Variants in RIF1 observed in about 807,000 individuals in gnomAD.
The protein encoded by RIF1 is replication timing regulatory factor 1.
RIF1 carries 45 observed loss-of-function variants against 247.1 expected under a neutral mutation model. The ratio of observed to expected loss-of-function variants is 0.18; its 90% CI spans 0.14 to 0.23. The LOEUF is 0.23. RIF1 is among the 10% of genes least tolerant of loss of function. The probability of loss-of-function intolerance (pLI) is 1.00; values close to 1 mark genes in which losing one functional copy is unlikely to be tolerated. For synonymous variants in RIF1, 1,087 were observed against 978.8 expected (o/e 1.11, Z -2.06); for missense variants, 2,967 against 2,862.5 (o/e 1.04, Z -0.83).
At chr2:151,534,134 C>G in the RIF1 span, 3 of 1,022,940 alleles carry the variant, frequency 2.9e-6, no homozygotes, top group African/African-American at 4.8e-5. Flanking sequence ...CTATGACATC[C>G]TTGCAGCAGA....
intron 30 of RIF1, 121 bp from the exon 31 acceptor site, chr2:151,467,879 C>G (rs1230251336): frequency 2.3e-6 from 2 of 856,390 alleles, no homozygotes; most frequent in East Asian, 5.3e-5. Context: ...CAGCTGACTT[C>G]TGGTGAAATA....
chr2:151,419,634 T>C (rs1247989370), intron 6 of RIF1, among the ~76,000 whole-genome samples: 4 of 152,178 alleles, frequency 2.6e-5, no homozygotes, highest in Admixed American at 6.5e-5. Flanking sequence ...GGTCATTTAT[T>C]ATCATTATCA....
intron 13 of RIF1, chr2:151,507,179 G>A (rs2069803827): frequency 1.1e-5 from 6 of 556,720 alleles, no homozygotes; most frequent in South Asian, 4.9e-5. Context: ...TAAGAATTTT[G>A]TGGAGAAACT....
intron 9 of RIF1, chr2:151,494,111 C>G (rs777512914): frequency 2.7e-6 from 4 of 1,476,096 alleles, no homozygotes; most frequent in Non-Finnish European, 2.8e-6. Flanking sequence ...GGCCAAACTG[C>G]AAGAGTTATT....
In RIF1 at chr2:151,503,338, T is replaced by C. The variant is rs750572273; in HGVS notation, c.*861+153T>C. On this transcript the variant is annotated intron_variant and NMD_transcript_variant, in intron 12 of 13. Transcript: ENST00000454583. ...GGGAAATAGTTTCTTATATGATATA[T>C]TTGTAAATACCGAGCTAAAGTTCTC... 7 of 1,572,332 alleles carry C rather than the reference T, an allele frequency of 4.5e-6. No individual in the cohort carries two copies. Among genetic ancestry groups the C allele is most frequent in the East Asian group, 2.3e-5 (1 of 44,410 alleles).
chr2:151,500,785 G>C (rs2063873558), intron 11 of RIF1, among the ~76,000 whole-genome samples: 1 of 151,868 alleles, frequency 6.6e-6, no homozygotes, highest in African/African-American at 2.4e-5. Context: ...TTTTAGCAGA[G>C]ATGGAATTTC....
downstream of RIF1, among the ~76,000 whole-genome samples, chr2:151,482,666 AAACAAC>A (rs751915789): frequency 6.6e-6 from 1 of 152,178 alleles, no homozygotes. Context: ...GTTTTAAGGA[AAACAAC>A]AACAACAACA....
At position 151,435,557 on chromosome 2, in the gene RIF1, A is replaced by G. The variant is rs61760868; in HGVS notation, c.1172A>G (p.Asn391Ser). 1.5e-3 allele frequency: 2,461 copies of G among 1,597,340 alleles called. 28 individuals are homozygous for G. The African/African-American group carries it at 0.027, about 18-fold the overall frequency. The change falls in exon 11 of 36, where the codon AAT (asparagine) becomes AGT (serine). Residue 391 changes from asparagine (N) to serine (S), a missense_variant. Physicochemically the swap from Asn to Ser is conservative, Grantham distance 46. Coordinates refer to ENST00000444746, the MANE Select transcript of RIF1 (RefSeq NM_018151.5). Reference sequence around the variant, plus strand: ...CATGTAGCTACATCTCCAGGTTTAAATCCTATGACTCCTGTACACAAAGGT... The same window carrying G: ...CATGTAGCTACATCTCCAGGTTTAAGTCCTATGACTCCTGTACACAAAGGT... ...SCHVATSPGL[N>S]PMTPVHKGAS... is the part of the protein sequence containing the mutation.
chr2:151,527,140 T>C, the RIF1 span: 1 of 684,714 alleles, frequency 1.5e-6, no homozygotes, highest in Non-Finnish European at 2.5e-6. Flanking sequence ...GCTACCAGAA[T>C]GAGGAGAAGA....
chr2:151,462,771 C>T, intron 29 of RIF1, 113 bp from the exon 30 acceptor site: 1 of 714,134 alleles, frequency 1.4e-6, no homozygotes, highest in Middle Eastern at 3.1e-4. Context: ...TATTGAATGT[C>T]AGTGATTATC....
At position 151,506,183 on chromosome 2, in the gene RIF1, GTGTT is replaced by G. The variant is rs1161478770; in HGVS notation, c.*862-21_*862-18del. 4.3e-6 allele frequency: 7 copies of G among 1,612,440 alleles called. No homozygotes were observed. The highest frequency in any genetic ancestry group is 4.0e-5 in the African/African-American group (3 of 74,906). On this transcript the variant is annotated intron_variant and NMD_transcript_variant, in intron 12 of 13. Transcript: ENST00000454583. Reference sequence around the variant, plus strand: ...GTCTTTACCGAGCTAATGTGGTCCTGTGTTTGTTTCACTCTCATCATCTCAGGTG... The same window carrying G: ...GTCTTTACCGAGCTAATGTGGTCCTGTGTTTCACTCTCATCATCTCAGGTG...
chr2:151,514,356 T>C, the RIF1 span: 3 of 1,613,760 alleles, frequency 1.9e-6, no homozygotes, highest in African/African-American at 2.7e-5. Context: ...GCTCTTAGCA[T>C]GTCAGGTGTA....
the RIF1 span, chr2:151,525,815 G>A: frequency 0.62 from 463,782 of 744,822 alleles, 146,258 homozygotes; most frequent in East Asian, 0.76. Context: ...CATTTTAAAA[G>A]TCAGAGTTTA....
chr2:151,526,036 C>T, the RIF1 span: 6 of 1,613,986 alleles, frequency 3.7e-6, no homozygotes, highest in South Asian at 5.5e-5. Context: ...AGCCCTGTGC[C>T]AAGTGCTTCT....
chr2:151,491,731 C>T, intron 9 of RIF1: 1 of 1,598,502 alleles, frequency 6.3e-7, no homozygotes, highest in Non-Finnish European at 8.5e-7. Flanking sequence ...TCTGCTGGAT[C>T]ATAGTCAAAA....
chr2:151,531,742 T>C, the RIF1 span: 3 of 1,379,352 alleles, frequency 2.2e-6, no homozygotes, highest in Admixed American at 5.6e-5. Flanking sequence ...CCTCCATGTT[T>C]GCAGATGCCC....
chr2:151,447,089 G>T (rs1251306250), intron 20 of RIF1, among the ~76,000 whole-genome samples: 1 of 151,618 alleles, frequency 6.6e-6, no homozygotes, highest in Non-Finnish European at 1.5e-5. Flanking sequence ...GACCACAGGC[G>T]CCCGCCACCA....
intron 3 of RIF1, among the ~76,000 whole-genome samples, chr2:151,411,867 A>T (rs1395827310): frequency 6.6e-6 from 1 of 152,346 alleles, no homozygotes; most frequent in Admixed American, 6.5e-5. Flanking sequence ...GTTCCATGAG[A>T]TTATTTCTTA....
the RIF1 span, chr2:151,527,005 G>T: frequency 6.3e-7 from 1 of 1,597,426 alleles, no homozygotes; most frequent in Non-Finnish European, 8.5e-7. Flanking sequence ...GGAACTCCCG[G>T]TCCAGCTTAT....
Sources: gnomAD v4.1 joint callset for allele counts (sites outside exome capture counted in the v4.1 genomes callset) on GRCh38, gnomAD v4.1.1 for gene constraint, MANE v1.5 for transcripts, NCBI Gene and HGNC (gene_info 2026-07-23, HGNC 2026-07-21) for gene names.